The following NSF variants were observed in gnomAD, a reference collection of about 807,000 sequenced individuals.
The protein encoded by NSF is N-ethylmaleimide sensitive factor, vesicle fusing ATPase.
NSF carries 14 observed loss-of-function variants against 50.3 expected under a neutral mutation model. That is an observed-to-expected ratio of 0.28 (90% CI 0.18 to 0.44). The LOEUF (loss-of-function observed/expected upper bound fraction) is 0.44, where lower values mean the gene tolerates loss of function less well. Ranked by LOEUF, NSF falls within the 20% of genes least tolerant of loss-of-function variation. NSF has a pLI of 1.00. For synonymous variants in NSF, 109 were observed against 175.7 expected (o/e 0.62, Z 3.00); for missense variants, 218 against 504.3 (o/e 0.43, Z 5.44).
In NSF at chr17:46,755,965, G is replaced by T; in HGVS notation, c.*142G>T. 2.7e-6 allele frequency: 2 copies of T among 741,100 alleles called. No homozygotes were observed. Among genetic ancestry groups the T allele is most frequent in the South Asian group, 1.9e-5 (1 of 52,808 alleles). 45.9% of individuals were successfully genotyped at this position (741,100 alleles called of 1,614,324 possible). On this transcript the variant is annotated 3_prime_UTR_variant, in exon 21 of 21. Coordinates refer to ENST00000398238, the MANE Select transcript of NSF (RefSeq NM_006178.4). ...CATGTGCTCGCTCTGCATGATTAGTGCAATAAAACTCCCTTCCTTATGCAT... is the reference window on the plus strand; with the variant it reads ...CATGTGCTCGCTCTGCATGATTAGTTCAATAAAACTCCCTTCCTTATGCAT...
rs1424156412 is a variant in NSF, at chr17:46,610,097, CTT to C, written c.13-14145_13-14144del. The stretch of plus-strand genomic sequence containing the variant: ...CTTTCCTTCTTTCTTTCTTTTCTCT[CTT>C]TCTCTCTCTCTCTCTCTCTCTCTCT... On this transcript the variant is annotated intron_variant, in intron 1 of 20. Transcript: ENST00000398238. 7.3e-5 allele frequency among the ~76,000 whole-genome samples: 3 copies of C among 41,088 alleles called. 1 individual carries two copies. The highest frequency in any genetic ancestry group is 1.6e-4 in the Non-Finnish European group (3 of 18,378). The allele number at this position is 41,088 out of a possible 152,430, so 27.0% of individuals were successfully genotyped here.
Position 46,711,026 on chromosome 17 carries a change from G to A in NSF, c.1534G>A (p.Asp512Asn), listed in dbSNP as rs748790167. The change falls in exon 14 of 21, where the codon GAC becomes AAC. Residue 512 changes from aspartate (D) to asparagine (N), a missense_variant. Physicochemically the swap from Asp to Asn is conservative, Grantham distance 23. Around this residue, in one of 2 missense-constraint regions of NSF, gnomAD observed 209 missense variants for 320.9 expected, o/e 0.65. Transcript: ENST00000398238. ...TATGAACGGTATCATCAAATGGGGT[G>A]ACCCAGTTACTCGAGTTCTAGATGA... is the stretch of plus-strand genomic sequence containing the variant. ...YIMNGIIKWGDPVTRVLDDGE... is the reference protein window; with the variant it reads ...YIMNGIIKWGNPVTRVLDDGE... The A allele has an allele frequency of 6.3e-7, 1 of 1,593,128 alleles. No homozygotes were observed. The highest frequency in any genetic ancestry group is 1.2e-5 in the South Asian group (1 of 86,866).
At chr17:46,755,745 G>C in intron 20 of NSF, 57 bp from the exon 21 acceptor site, 12 of 1,045,786 alleles carry the variant, frequency 1.1e-5, no homozygotes, top group Non-Finnish European at 1.7e-5. Context: ...TTTTTTTGAT[G>C]AATAGTTTTT....
intron 17 of NSF, among the ~76,000 whole-genome samples, chr17:46,741,298 A>G (rs1159990739): frequency 6.6e-6 from 1 of 152,310 alleles, no homozygotes; most frequent in East Asian, 1.9e-4. Flanking sequence ...TGTCTTTTTC[A>G]CAAATTGGAA....
intron 15 of NSF, among the ~76,000 whole-genome samples, chr17:46,718,978 A>T (rs1480325653): frequency 6.6e-6 from 1 of 152,200 alleles, no homozygotes; most frequent in African/African-American, 2.4e-5. Flanking sequence ...TAGGTAAAAA[A>T]TGCTCTTGGT....
intron 17 of NSF, among the ~76,000 whole-genome samples, chr17:46,733,901 C>T (rs1425316249): frequency 6.6e-6 from 1 of 152,168 alleles, no homozygotes; most frequent in African/African-American, 2.4e-5. Flanking sequence ...TGCTCTGACA[C>T]CTAGGAATAT....
intron 13 of NSF, among the ~76,000 whole-genome samples, chr17:46,708,822 ATTTTTTTTTTT>A (rs386627394): frequency 9.2e-6 from 1 of 108,902 alleles, no homozygotes; most frequent in Non-Finnish European, 1.7e-5. Context: ...ATATATATAT[ATTTTTTTTTTT>A]TTTTTTTTTT....
chr17:46,710,761 A>T (rs1408595195), intron 13 of NSF, among the ~76,000 whole-genome samples: 3 of 152,202 alleles, frequency 2.0e-5, no homozygotes, highest in African/African-American at 7.2e-5. Flanking sequence ...TATTCCATTA[A>T]GTCACCCAAA....
chr17:46,602,942 C>A (rs1007181073), intron 1 of NSF, among the ~76,000 whole-genome samples: 82 of 99,038 alleles, frequency 8.3e-4, no homozygotes, highest in Non-Finnish European at 1.5e-3. Context: ...TTTTGATATT[C>A]TCTGCCAAGG....
Position 46,756,166 on chromosome 17 carries a change from C to T in NSF, c.*343C>T, listed in dbSNP as rs772249980. 17 of 209,864 alleles carry T rather than the reference C, an allele frequency of 8.1e-5. No homozygotes were observed. The highest frequency in any genetic ancestry group is 1.5e-4 in the Non-Finnish European group (16 of 105,224). The allele number at this position is 209,864 out of a possible 1,614,324, so 13.0% of individuals were successfully genotyped here. ...CTACTAGCACCATCACCCTTGAAAA[C>T]TCTCAGTCAGTGTCATGAATGTTGC... On this transcript the variant is annotated 3_prime_UTR_variant, in exon 21 of 21. Transcript: ENST00000398238.
chr17:46,755,495 G>A (rs1280019704), intron 20 of NSF, 126 bp downstream of exon 20: 3 of 864,124 alleles, frequency 3.5e-6, no homozygotes, highest in Admixed American at 2.1e-5. Context: ...TCGCTGTGTT[G>A]TAGGTCCGAG....
intron 15 of NSF, among the ~76,000 whole-genome samples, chr17:46,724,433 C>G (rs2058866136): frequency 6.6e-6 from 1 of 152,170 alleles, no homozygotes; most frequent in Non-Finnish European, 1.5e-5. Flanking sequence ...ACATCTGATT[C>G]CATGATAGCC....
chr17:46,751,543 C>T lies in NSF; in HGVS notation c.2084C>T (p.Ala695Val), dbSNP rs1454565367. 1.2e-6 allele frequency: 2 copies of T among 1,614,012 alleles called. No homozygotes were observed. The highest frequency in any genetic ancestry group is 2.2e-5 in the East Asian group (1 of 44,862). Reference protein sequence around the residue: ...NFKDKERTTIAQQVKGKKVWI... With the variant: ...NFKDKERTTIVQQVKGKKVWI... ...AAGGATAAGGAACGCACCACAATTGCACAGCAAGTCAAAGGGAAGAAGGTC... is the reference window on the plus strand; with the variant it reads ...AAGGATAAGGAACGCACCACAATTGTACAGCAAGTCAAAGGGAAGAAGGTC... Residue 695 changes from alanine to valine, a missense_variant, in exon 19 of 21, where the codon GCA becomes GTA. Physicochemically the swap from Ala to Val is moderately conservative, Grantham distance 64 (BLOSUM62 0). Coordinates refer to ENST00000398238, the MANE Select transcript of NSF (RefSeq NM_006178.4).
intron 9 of NSF, among the ~76,000 whole-genome samples, chr17:46,676,441 A>G (rs1221278024): frequency 7.3e-6 from 1 of 137,898 alleles, no homozygotes; most frequent in Non-Finnish European, 1.5e-5. Flanking sequence ...CATGTTGGTC[A>G]GGCTGGTCTC....
chr17:46,716,517 G>A (rs1370399700), intron 15 of NSF, among the ~76,000 whole-genome samples: 4 of 151,952 alleles, frequency 2.6e-5, no homozygotes, highest in African/African-American at 7.3e-5. Context: ...TCAGCCTCCC[G>A]AAGTGCTGGA....
intron 18 of NSF, 40 bp from the exon 19 acceptor site, chr17:46,751,463 A>C (rs1178692860): frequency 3.5e-6 from 5 of 1,411,576 alleles, no homozygotes; most frequent in Non-Finnish European, 5.0e-6. Flanking sequence ...TGATGTGTTC[A>C]CTGTAAAAGT....
At chr17:46,612,124 C>T (rs1296263479) in intron 1 of NSF, among the ~76,000 whole-genome samples, 1 of 65,252 alleles carries the variant, frequency 1.5e-5, no homozygotes, top group Non-Finnish European at 2.7e-5. Flanking sequence ...AAGCACATGA[C>T]AAGATCTTCA....
chr17:46,733,363 T>G (rs2058968720), intron 17 of NSF, among the ~76,000 whole-genome samples: 1 of 152,092 alleles, frequency 6.6e-6, no homozygotes, highest in Non-Finnish European at 1.5e-5. Context: ...TTTTTTTCTT[T>G]TTGGGAGACA....
intron 9 of NSF, among the ~76,000 whole-genome samples, chr17:46,676,549 A>G: frequency 6.9e-6 from 1 of 145,858 alleles, no homozygotes. Context: ...GGAATTGTAA[A>G]CCATGGATCC....
Sources: gnomAD v4.1 joint callset for allele counts (sites outside exome capture counted in the v4.1 genomes callset) on GRCh38, gnomAD v4.1.1 for gene constraint, gnomAD v4.1.1 regional missense constraint, MANE v1.5 for transcripts, NCBI Gene and HGNC (gene_info 2026-07-23, HGNC 2026-07-21) for gene names.